Variants in CFAP47 observed in about 807,000 individuals in gnomAD.
CFAP47 encodes cilia and flagella associated protein 47.
CFAP47 carries 29 observed loss-of-function variants against 148.1 expected under a neutral mutation model. The observed-to-expected ratio is 0.20, with a 90% CI of 0.15 to 0.27. The LOEUF is 0.27. Among genes scored for constraint, CFAP47 ranks in the 10% least tolerant of loss-of-function variants. CFAP47 has a pLI of 1.00. For missense variants in CFAP47, 1,872 were observed against 1,697.5 expected, an observed-to-expected ratio of 1.10 and a Z score of -1.81; for synonymous variants, 664 against 577.3, an observed-to-expected ratio of 1.15 and a Z score of -2.15.
At chrX:36,383,021 A>G (rs782221564) in intron 63 of CFAP47, among the ~76,000 whole-genome samples, 1 of 111,143 alleles carries the variant, frequency 9.0e-6, no homozygotes, top group East Asian at 2.8e-4. Context: ...GCTATATGTA[A>G]AACAACTATA....
At chrX:36,010,550 C>T (rs1048075839) in intron 21 of CFAP47, among the ~76,000 whole-genome samples, 11 of 108,011 alleles carry the variant, frequency 1.0e-4, no homozygotes, top group African/African-American at 1.3e-4. Flanking sequence ...CTCCGCCTCC[C>T]GGGTTCACAC....
intron 33 of CFAP47, among the ~76,000 whole-genome samples, chrX:36,105,125 T>A (rs1938445260): frequency 8.9e-6 from 1 of 112,081 alleles, no homozygotes; most frequent in South Asian, 3.7e-4. Flanking sequence ...TAATGCTTCA[T>A]GAATTCTTTG....
chrX:35,990,413 C>G (rs1010523714), intron 16 of CFAP47, among the ~76,000 whole-genome samples: 1 of 111,120 alleles, frequency 9.0e-6, no homozygotes, highest in African/African-American at 3.3e-5. Context: ...ATGATACCAA[C>G]ATTTCCAAAA....
intron 49 of CFAP47, among the ~76,000 whole-genome samples, chrX:36,268,259 ATAT>A (rs1218677333): frequency 8.8e-6 from 1 of 113,466 alleles, no homozygotes; most frequent in East Asian, 2.8e-4. Flanking sequence ...TGCTCCCAAT[ATAT>A]TTTAAAAGTT....
chrX:36,235,124 G>A (rs782582891), intron 46 of CFAP47, among the ~76,000 whole-genome samples: 3 of 111,531 alleles, frequency 2.7e-5, no homozygotes, highest in South Asian at 7.6e-4. Context: ...GTGTGTGCTG[G>A]GAGAACCACT....
At chrX:36,205,148 C>G in intron 45 of CFAP47, 38 bp downstream of exon 45, 1 of 294,123 alleles carries the variant, frequency 3.4e-6, no homozygotes, top group Non-Finnish European at 5.9e-6. Flanking sequence ...CTAAGTGTTC[C>G]GGGAATGATG....
intron 25 of CFAP47, among the ~76,000 whole-genome samples, chrX:36,039,965 A>G (rs888943682): frequency 8.9e-6 from 1 of 111,965 alleles, no homozygotes; most frequent in Admixed American, 9.5e-5. Flanking sequence ...ATAAATATAT[A>G]TAGTGGGAGG....
At chrX:36,363,455 T>G (rs1368758187) in intron 61 of CFAP47, among the ~76,000 whole-genome samples, 1 of 111,509 alleles carries the variant, frequency 9.0e-6, no homozygotes, top group Non-Finnish European at 1.9e-5. Context: ...AAAGGTACAG[T>G]AAACATACAG....
At chrX:36,023,568 T>A (rs780720225) in intron 22 of CFAP47, among the ~76,000 whole-genome samples, 23 of 111,437 alleles carry the variant, frequency 2.1e-4, no homozygotes, top group Non-Finnish European at 4.0e-4. Flanking sequence ...AGGCCCCGGG[T>A]GGGTCCAGAG....
Position 36,348,266 on chromosome X carries a change from G to C in CFAP47, c.8581G>C (p.Glu2861Gln), listed in dbSNP as rs1941714839. ...GKYWPIDNFD[E>Q]LDIKFKSIVG... ...ATATTGGCCTATTGACAATTTTGAT[G>C]AGTTGGATATAAAATTTAAAAGGTA... The change falls in exon 58 of 64, where the codon GAG becomes CAG. Residue 2861 changes from glutamate (E) to glutamine (Q), a missense_variant. Transcript: ENST00000378653. 2 of 1,025,762 alleles carry C rather than the reference G, an allele frequency of 1.9e-6. No individual in the cohort carries two copies. The highest frequency in any genetic ancestry group is 5.2e-5 in the Admixed American group (1 of 19,240). 84.5% of individuals were successfully genotyped at this position (1,025,762 alleles called of 1,213,427 possible).
At chrX:36,340,604 T>C (rs782736033) in intron 57 of CFAP47, among the ~76,000 whole-genome samples, 1 of 111,469 alleles carries the variant, frequency 9.0e-6, no homozygotes, top group East Asian at 2.8e-4. Context: ...ACCAGTAATA[T>C]TGGATTAGAG....
chrX:36,200,921 G>A lies in CFAP47; in HGVS notation c.6437-353G>A, dbSNP rs782477389. ...CAGTGAAAGCAAATGACAGTTCTTG[G>A]GAGTTTTTGACAGGTGTCTTTTTTT... On this transcript the variant is annotated intron_variant, in intron 43 of 63. Coordinates refer to ENST00000378653, the MANE Select transcript of CFAP47 (RefSeq NM_001304548.2). 5.0e-3 allele frequency among the ~76,000 whole-genome samples: 551 copies of A among 110,740 alleles called. 1 individual carries two copies. The highest frequency in any genetic ancestry group is 0.017 in the African/African-American group (527 of 30,544).
At chrX:36,144,070 G>A (rs776172009) in intron 35 of CFAP47, among the ~76,000 whole-genome samples, 1 of 111,399 alleles carries the variant, frequency 9.0e-6, no homozygotes, top group South Asian at 3.7e-4. Context: ...TCATCCTATA[G>A]TAATTTGCTT....
chrX:36,084,811 T>G (rs1352686266), intron 29 of CFAP47, among the ~76,000 whole-genome samples: 1 of 111,957 alleles, frequency 8.9e-6, no homozygotes, highest in Non-Finnish European at 1.9e-5. Context: ...TAAGCCAATG[T>G]GCAGGATTTG....
chrX:36,356,358 G>GATGT (rs1941786073), intron 60 of CFAP47, among the ~76,000 whole-genome samples: 1 of 111,048 alleles, frequency 9.0e-6, no homozygotes, highest in Non-Finnish European at 1.9e-5. Context: ...TTGTTCTCCT[G>GATGT]ATGTATGTCC....
intron 22 of CFAP47, among the ~76,000 whole-genome samples, chrX:36,025,726 C>T (rs1397415522): frequency 8.9e-6 from 1 of 112,045 alleles, no homozygotes; most frequent in Non-Finnish European, 1.9e-5. Flanking sequence ...CCTACCTTTG[C>T]TTTTAATTGT....
chrX:36,235,340 G>A (rs1253903951), intron 46 of CFAP47, among the ~76,000 whole-genome samples: 1 of 112,299 alleles, frequency 8.9e-6, no homozygotes, highest in African/African-American at 3.2e-5. Context: ...CCCTCCCCCA[G>A]CCTCGCTGCT....
intron 39 of CFAP47, among the ~76,000 whole-genome samples, chrX:36,173,663 G>C (rs1939621539): frequency 8.9e-6 from 1 of 112,074 alleles, no homozygotes; most frequent in Non-Finnish European, 1.9e-5. Flanking sequence ...TGGTCTGGGA[G>C]ACAGTTTGTT....
chrX:36,117,367 A>G (rs193041206), intron 33 of CFAP47, among the ~76,000 whole-genome samples: 107 of 111,833 alleles, frequency 9.6e-4, no homozygotes, highest in African/African-American at 3.4e-3. Context: ...TTACGTTCCC[A>G]CCAGCAGTGT....
Sources: allele counts gnomAD v4.1 joint callset (sites outside exome capture counted in the v4.1 genomes callset), GRCh38; gene constraint gnomAD v4.1.1; transcripts MANE v1.5; gene names NCBI Gene and HGNC (gene_info 2026-07-23, HGNC 2026-07-21).